Variants in NXPH1 observed in about 807,000 individuals in gnomAD.
NXPH1 encodes neurexophilin-1.
Under a neutral mutation model 23.7 loss-of-function variants are expected in NXPH1, and 5 were observed. That is an observed-to-expected ratio of 0.21 (90% CI 0.11 to 0.44). The LOEUF is 0.44. Ranked by LOEUF, NXPH1 falls within the 20% of genes least tolerant of loss-of-function variation. The pLI is 0.99. For synonymous variants in NXPH1, 144 were observed against 122.2 expected, an observed-to-expected ratio of 1.18 and a Z score of -1.18; for missense variants, 324 against 321.6, an observed-to-expected ratio of 1.01 and a Z score of -0.06.
intron 2 of NXPH1, among the ~76,000 whole-genome samples, chr7:8,557,854 T>A (rs1452177009): frequency 6.6e-6 from 1 of 151,656 alleles, no homozygotes; most frequent in Non-Finnish European, 1.5e-5. Flanking sequence ...TTCTGCAGAT[T>A]TAGTACCATG....
intron 2 of NXPH1, among the ~76,000 whole-genome samples, chr7:8,575,486 A>C (rs1001478046): frequency 6.6e-6 from 1 of 152,186 alleles, no homozygotes; most frequent in Non-Finnish European, 1.5e-5. Flanking sequence ...AAGCATAGAA[A>C]TTCTTTTAAA....
chr7:8,653,399 C>T (rs542655366), intron 2 of NXPH1, among the ~76,000 whole-genome samples: 7 of 152,242 alleles, frequency 4.6e-5, no homozygotes, highest in African/African-American at 1.4e-4. Flanking sequence ...TATCCTTAAC[C>T]ATAAAAGCTG....
chr7:8,715,729 G>A (rs1332627219), intron 2 of NXPH1, among the ~76,000 whole-genome samples: 1 of 152,146 alleles, frequency 6.6e-6, no homozygotes, highest in African/African-American at 2.4e-5. Context: ...AAAATTCCAG[G>A]TGAGGGAAAT....
intron 2 of NXPH1, among the ~76,000 whole-genome samples, chr7:8,612,777 AAG>A (rs1045596416): frequency 6.6e-6 from 1 of 152,054 alleles, no homozygotes; most frequent in African/African-American, 2.4e-5. Flanking sequence ...TTTGTAAATA[AAG>A]AGAGACACAG....
At chr7:8,515,314 C>G (rs1012201655) in intron 2 of NXPH1, among the ~76,000 whole-genome samples, 2 of 152,006 alleles carry the variant, frequency 1.3e-5, no homozygotes, top group Non-Finnish European at 2.9e-5. Flanking sequence ...GCTTCATCAT[C>G]ATCAATTAAT....
At chr7:8,463,959 T>C (rs1816735455) in intron 2 of NXPH1, among the ~76,000 whole-genome samples, 1 of 152,200 alleles carries the variant, frequency 6.6e-6, no homozygotes, top group African/African-American at 2.4e-5. Flanking sequence ...AGTTCCTGAT[T>C]CATATTTCTA....
At chr7:8,626,355 G>A (rs1819988517) in intron 2 of NXPH1, among the ~76,000 whole-genome samples, 1 of 151,602 alleles carries the variant, frequency 6.6e-6, no homozygotes, top group Non-Finnish European at 1.5e-5. Flanking sequence ...TGATGTGTCA[G>A]TGGGATATAC....
chr7:8,568,194 T>C (rs1339368078), intron 2 of NXPH1, among the ~76,000 whole-genome samples: 6 of 151,928 alleles, frequency 3.9e-5, no homozygotes, highest in Non-Finnish European at 8.8e-5. Flanking sequence ...TGACTATAAC[T>C]GGTTCTAAAC....
At chr7:8,582,478 C>T (rs1224645204) in intron 2 of NXPH1, among the ~76,000 whole-genome samples, 1 of 152,114 alleles carries the variant, frequency 6.6e-6, no homozygotes, top group African/African-American at 2.4e-5. Context: ...GCATGTAGCT[C>T]CTTTCTTCAA....
intron 2 of NXPH1, among the ~76,000 whole-genome samples, chr7:8,694,659 A>G (rs933696866): frequency 2.0e-5 from 3 of 152,166 alleles, no homozygotes; most frequent in Non-Finnish European, 4.4e-5. Context: ...GAGCTAAAAA[A>G]TTCATAGTAT....
chr7:8,529,371 C>A (rs950765966), intron 2 of NXPH1, among the ~76,000 whole-genome samples: 6 of 152,276 alleles, frequency 3.9e-5, no homozygotes, highest in African/African-American at 1.4e-4. Flanking sequence ...GCAGGAAGCA[C>A]AGTATAGGCA....
At chr7:8,585,390 C>T (rs1189949934) in intron 2 of NXPH1, among the ~76,000 whole-genome samples, 1 of 151,524 alleles carries the variant, frequency 6.6e-6, no homozygotes, top group Non-Finnish European at 1.5e-5. Context: ...TATTATGGAT[C>T]TTGAACTCTG....
intron 2 of NXPH1, among the ~76,000 whole-genome samples, chr7:8,478,813 C>A (rs563890492): frequency 8.5e-5 from 13 of 152,048 alleles, no homozygotes; most frequent in African/African-American, 3.1e-4. Context: ...GATAGCAATT[C>A]TTTATAACAG....
chr7:8,509,750 A>G (rs894582071), intron 2 of NXPH1, among the ~76,000 whole-genome samples: 2 of 152,092 alleles, frequency 1.3e-5, no homozygotes, highest in African/African-American at 4.8e-5. Flanking sequence ...TATGGGCTTC[A>G]CTCACACCCA....
intron 2 of NXPH1, among the ~76,000 whole-genome samples, chr7:8,633,899 A>G (rs2115136449): frequency 6.6e-6 from 1 of 152,304 alleles, no homozygotes; most frequent in East Asian, 1.9e-4. Flanking sequence ...TTGCTTAAGA[A>G]TTTGAAGTCC....
chr7:8,710,658 T>A, intron 2 of NXPH1, among the ~76,000 whole-genome samples: 1 of 100,616 alleles, frequency 9.9e-6, no homozygotes. Flanking sequence ...TTTTTTTTTT[T>A]TTTTTTTTTT....
At position 8,559,342 on chromosome 7, in the gene NXPH1, A is replaced by G. The variant is rs139940693; in HGVS notation, c.54+123575A>G. 4.0e-3 allele frequency among the ~76,000 whole-genome samples: 609 copies of G among 151,712 alleles called. 10 individuals carry two copies. In the East Asian group the frequency reaches 0.04, roughly 10 times the overall value. ...AGAAAAGTCCTTTCTTTCTTCTGTCACCTCCCGAGTGTCTTAGAAGATCTG... is the reference window on the plus strand; with the variant it reads ...AGAAAAGTCCTTTCTTTCTTCTGTCGCCTCCCGAGTGTCTTAGAAGATCTG... On this transcript the variant is annotated intron_variant, in intron 2 of 2. Transcript: ENST00000405863.
At chr7:8,739,171 TAAAAAAAAA>T (rs34593997) in intron 2 of NXPH1, among the ~76,000 whole-genome samples, 1,436 of 54,104 alleles carry the variant, frequency 0.027, 66 homozygotes, top group African/African-American at 0.1. Context: ...ACCAGTGGGG[TAAAAAAAAA>T]AAAAAAAAAA....
intron 2 of NXPH1, among the ~76,000 whole-genome samples, chr7:8,631,821 C>T (rs1820135249): frequency 6.6e-6 from 1 of 152,126 alleles, no homozygotes; most frequent in Non-Finnish European, 1.5e-5. Flanking sequence ...TTATTAGAAG[C>T]AAGTTATACC....
Sources: gnomAD v4.1 joint callset for allele counts (sites outside exome capture counted in the v4.1 genomes callset) on GRCh38, gnomAD v4.1.1 for gene constraint, MANE v1.5 for transcripts, NCBI Gene and HGNC (gene_info 2026-07-23, HGNC 2026-07-21) for gene names.